MROH1: variants seen among roughly 807,000 people sequenced by gnomAD.
MROH1 encodes the protein maestro heat like repeat family member 1, also known as maestro heat-like repeat-containing protein family member 1.
In MROH1, 117 loss-of-function variants were observed where a neutral mutation model predicts 116.5. That is an observed-to-expected ratio of 1.00 (90% CI 0.86 to 1.17). The LOEUF (loss-of-function observed/expected upper bound fraction) is 1.17. Among genes scored for constraint, MROH1 ranks in the 50% most tolerant of loss-of-function variants. The pLI is 0.00. For synonymous variants in MROH1, 921 were observed against 583.9 expected (o/e 1.58, Z -8.32); for missense variants, 1,873 against 1,338.5 (o/e 1.40, Z -6.23).
intron 7 of MROH1, among the ~76,000 whole-genome samples, chr8:144,185,503 G>A (rs577043068): frequency 2.1e-4 from 31 of 148,534 alleles, no homozygotes; most frequent in African/African-American, 7.3e-4. Flanking sequence ...TGAGGACAGC[G>A]AGGGGTGGCG....
intron 31 of MROH1, among the ~76,000 whole-genome samples, chr8:144,247,880 G>A (rs887435188): frequency 6.6e-6 from 1 of 152,268 alleles, no homozygotes; most frequent in Non-Finnish European, 1.5e-5. Flanking sequence ...CTACGCTGGG[G>A]CAGTGCAGTC....
In MROH1 at chr8:144,229,229, T is replaced by C. The variant is rs1268630963; in HGVS notation, c.1338+5999T>C. Reference sequence around the variant, plus strand: ...TCAACTTCTTCCAAACTCTTGTTCATGTTGATTTTGTTGACCTCTTCCCAT... The same window carrying C: ...TCAACTTCTTCCAAACTCTTGTTCACGTTGATTTTGTTGACCTCTTCCCAT... On this transcript the variant is annotated intron_variant, in intron 14 of 43. Transcript: ENST00000326134. Among the ~76,000 whole-genome samples the C allele has an allele frequency of 3.9e-5, 6 of 152,214 alleles. 1 individual carries two copies. The highest frequency in any genetic ancestry group is 3.9e-4 in the Admixed American group (6 of 15,278).
chr8:144,169,297 C>T (rs1288220711), intron 4 of MROH1, among the ~76,000 whole-genome samples: 1 of 152,216 alleles, frequency 6.6e-6, no homozygotes, highest in Non-Finnish European at 1.5e-5. Flanking sequence ...TATCAGCTAC[C>T]ATCTCCTGGG....
chr8:144,230,162 C>G (rs542748989), intron 14 of MROH1, among the ~76,000 whole-genome samples: 5 of 152,274 alleles, frequency 3.3e-5, no homozygotes, highest in East Asian at 1.9e-4. Context: ...TTCCTTAACC[C>G]TCATGAACCA....
chr8:144,168,129 T>C (rs1203175356), intron 3 of MROH1, among the ~76,000 whole-genome samples, 166 bp from the exon 4 acceptor site: 1 of 152,084 alleles, frequency 6.6e-6, no homozygotes, highest in African/African-American at 2.4e-5. Flanking sequence ...CTGCAGCAGC[T>C]CAGGTGGAGG....
At chr8:144,148,362 C>T (rs1441375244) in intron 1 of MROH1, among the ~76,000 whole-genome samples, 3 of 152,140 alleles carry the variant, frequency 2.0e-5, no homozygotes, top group African/African-American at 7.2e-5. Context: ...CACCCCTCTT[C>T]GGGGAGCTTG....
intron 12 of MROH1, among the ~76,000 whole-genome samples, chr8:144,216,684 CTTTTTT>C (rs71320815): frequency 1.4e-5 from 2 of 142,836 alleles, no homozygotes; most frequent in African/African-American, 5.6e-5. Flanking sequence ...TTTTTTACTG[CTTTTTT>C]TTTTTTTTTT....
At chr8:144,159,929 C>G (rs1312469041) in intron 1 of MROH1, among the ~76,000 whole-genome samples, 1 of 152,040 alleles carries the variant, frequency 6.6e-6, no homozygotes, top group Non-Finnish European at 1.5e-5. Flanking sequence ...CACCACACCC[C>G]GTCTAATTTA....
intron 7 of MROH1, among the ~76,000 whole-genome samples, chr8:144,181,174 GGGA>G (rs907540741): frequency 4.0e-5 from 6 of 151,048 alleles, no homozygotes; most frequent in African/African-American, 1.2e-4. Context: ...GTAGCTGGCC[GGGA>G]GGAGAACAGG....
chr8:144,165,267 C>T (rs1564372083), intron 3 of MROH1, among the ~76,000 whole-genome samples: 1 of 151,350 alleles, frequency 6.6e-6, no homozygotes, highest in South Asian at 2.1e-4. Flanking sequence ...TACAGGTGCC[C>T]GCCACCATGT....
chr8:144,238,128 C>T (rs1464483888), intron 14 of MROH1, among the ~76,000 whole-genome samples: 1 of 148,770 alleles, frequency 6.7e-6, no homozygotes, highest in African/African-American at 2.5e-5. Context: ...TTTTTAGTGC[C>T]TACTGTAAAA....
Position 144,182,330 on chromosome 8 carries a change from C to T in MROH1, c.562+1807C>T, listed in dbSNP as rs1456802677. ...GCACGGCTGGCCTGGCCACGCCGTC[C>T]AGCAGGGCAGGCATCCAGTAATTCC... On this transcript the variant is annotated intron_variant, in intron 7 of 43. Transcript: ENST00000326134. This position sits in a 1 kb window ranked among gnomAD's most constrained non-coding sequence, Gnocchi z 4.1. 1.3e-5 allele frequency among the ~76,000 whole-genome samples: 2 copies of T among 152,228 alleles called. No homozygotes were observed. The highest frequency in any genetic ancestry group is 3.9e-4 in the East Asian group (2 of 5,192).
At chr8:144,175,512 C>T (rs748507396) in intron 4 of MROH1, 199 of 985,376 alleles carry the variant, frequency 2.0e-4, no homozygotes, top group Non-Finnish European at 2.3e-4. Context: ...ACCGGCCGTG[C>T]TGCCCCGGCA....
At chr8:144,234,497 C>CTTTTTTTTTTTTTTTTTTT (rs1554823930) in intron 14 of MROH1, among the ~76,000 whole-genome samples, 1 of 20,630 alleles carries the variant, frequency 4.8e-5, no homozygotes, top group Non-Finnish European at 1.1e-4. Context: ...CTTTCTTTTT[C>CTTTTTTTTTTTTTTTTTTT]GTTTTTTTTT....
chr8:144,173,965 G>A (rs1176727798), intron 4 of MROH1, among the ~76,000 whole-genome samples: 1 of 152,152 alleles, frequency 6.6e-6, no homozygotes, highest in Non-Finnish European at 1.5e-5. Flanking sequence ...GAGCTGGAGA[G>A]GGGACAGGAA....
intron 14 of MROH1, among the ~76,000 whole-genome samples, chr8:144,224,280 T>A (rs1175056775): frequency 6.6e-6 from 1 of 152,174 alleles, no homozygotes; most frequent in Non-Finnish European, 1.5e-5. Flanking sequence ...ATAATTATTA[T>A]TATTTTTGAG....
In MROH1 at chr8:144,220,602, G is replaced by A. The variant is rs1836505151; in HGVS notation, c.1144G>A (p.Ala382Thr). ...GCTGTCCTGTTTGTTTCTTGCAGCT[G>A]CTCAGATGGAAGATAAAAAGCCCTT... ...VVRHVINSAA[A>T]QMEDKKPFIL... The change falls in exon 13 of 44, where the codon GCT becomes ACT. Residue 382 changes from alanine (A) to threonine (T), a missense_variant and splice_region_variant. Coordinates refer to ENST00000326134, the MANE Select transcript of MROH1 (RefSeq NM_032450.3). 1.3e-6 allele frequency: 2 copies of A among 1,571,048 alleles called. No individual in the cohort carries two copies. Among genetic ancestry groups the A allele is most frequent in the Non-Finnish European group, 1.7e-6 (2 of 1,158,012 alleles).
intron 12 of MROH1, chr8:144,213,911 A>G (rs1268178855): frequency 6.6e-6 from 1 of 152,030 alleles, no homozygotes; most frequent in Non-Finnish European, 1.5e-5. Flanking sequence ...CTAATTTTCT[A>G]TCCTCTTAGA....
chr8:144,151,853 A>G (rs1816880778), intron 1 of MROH1, among the ~76,000 whole-genome samples: 1 of 152,222 alleles, frequency 6.6e-6, no homozygotes, highest in Non-Finnish European at 1.5e-5. Context: ...ACGCCCTGCG[A>G]CGGGGACAAG....
Sources: gnomAD v4.1 joint callset for allele counts (sites outside exome capture counted in the v4.1 genomes callset) on GRCh38, gnomAD v4.1.1 for gene constraint, Gnocchi (gnomAD v3.1) non-coding constraint, MANE v1.5 for transcripts, NCBI Gene and HGNC (gene_info 2026-07-23, HGNC 2026-07-21) for gene names.